Variants in PON1 observed in about 807,000 individuals in gnomAD.
PON1 encodes paraoxonase 1.
In PON1, 37 loss-of-function variants were observed where a neutral mutation model predicts 39.2. The ratio of observed to expected loss-of-function variants is 0.94; its 90% CI spans 0.73 to 1.24. PON1 has a LOEUF of 1.24. Ranked by LOEUF, PON1 falls within the 50% of genes most tolerant of loss-of-function variation. PON1 has a pLI of 0.00. For missense variants in PON1, 397 were observed against 413.5 expected (o/e 0.96, Z 0.35); for synonymous variants, 148 against 152.2 (o/e 0.97, Z 0.21).
At chr7:95,305,964 T>G (rs1013463845) in intron 7 of PON1, among the ~76,000 whole-genome samples, 1 of 148,966 alleles carries the variant, frequency 6.7e-6, no homozygotes, top group Non-Finnish European at 1.5e-5. Flanking sequence ...GGAAGGAAGG[T>G]GGAGGAGAGG....
intron 8 of PON1, among the ~76,000 whole-genome samples, chr7:95,300,321 A>G (rs1386015776): frequency 6.6e-6 from 1 of 152,216 alleles, no homozygotes; most frequent in Admixed American, 6.5e-5. Flanking sequence ...GTGGGACTAG[A>G]TTATCTCTAA....
At chr7:95,321,250 C>T (rs1807890604) in intron 1 of PON1, among the ~76,000 whole-genome samples, 1 of 152,156 alleles carries the variant, frequency 6.6e-6, no homozygotes, top group South Asian at 2.1e-4. Flanking sequence ...CCCATTGGGC[C>T]CCACCTCCAA....
At chr7:95,324,314 C>T in intron 1 of PON1, 88 bp downstream of exon 1, 1 of 1,242,024 alleles carries the variant, frequency 8.1e-7, no homozygotes, top group Non-Finnish European at 1.2e-6. Flanking sequence ...GTTCTGTTAA[C>T]AGCCTGGACC....
intron 3 of PON1, 125 bp from the exon 4 acceptor site, chr7:95,315,615 T>C (rs1244001865): frequency 2.1e-6 from 2 of 975,060 alleles, no homozygotes; most frequent in South Asian, 2.7e-5. Flanking sequence ...GATGGCCACA[T>C]AGGAAGCCTC....
At chr7:95,310,024 C>T (rs1340347935) in intron 5 of PON1, among the ~76,000 whole-genome samples, 1 of 152,240 alleles carries the variant, frequency 6.6e-6, no homozygotes, top group Non-Finnish European at 1.5e-5. Context: ...GTAACGTAGA[C>T]CAATCTGAGA....
intron 1 of PON1, chr7:95,318,634 C>T: frequency 2.2e-6 from 1 of 447,524 alleles, no homozygotes; most frequent in Non-Finnish European, 4.1e-6. Context: ...ATAATATCCT[C>T]TCTAGGGCTC....
chr7:95,307,669 G>C (rs1178698136), intron 6 of PON1, among the ~76,000 whole-genome samples: 2 of 152,110 alleles, frequency 1.3e-5, no homozygotes, highest in African/African-American at 4.8e-5. Context: ...TCATAAACCT[G>C]CACTACTGAC....
intron 8 of PON1, 53 bp from the exon 9 acceptor site, chr7:95,299,155 C>T: frequency 1.3e-6 from 2 of 1,533,830 alleles, no homozygotes; most frequent in South Asian, 2.2e-5. Context: ...CTTAAAACAA[C>T]CTTATGCATA....
intron 6 of PON1, 59 bp downstream of exon 6, chr7:95,307,952 T>C: frequency 6.8e-7 from 1 of 1,463,228 alleles, no homozygotes; most frequent in Non-Finnish European, 9.6e-7. Context: ...AAAGAATATA[T>C]TCCAAGATAT....
intron 6 of PON1, among the ~76,000 whole-genome samples, 161 bp downstream of exon 6, chr7:95,307,850 A>G (rs1380484940): frequency 1.3e-5 from 2 of 152,218 alleles, no homozygotes; most frequent in African/African-American, 4.8e-5. Flanking sequence ...TGATTTGATA[A>G]ATTTCACCCC....
Position 95,298,002 on chromosome 7 carries a change from A to G in PON1, c.*942T>C, listed in dbSNP as rs1395446898. On this transcript the variant is annotated 3_prime_UTR_variant, in exon 9 of 9. Transcript: ENST00000222381. ...CAGTAGATAGCCAAAGGGGTTGTTG[A>G]TCTTTTCTATTTATTTGTTTGTTTA... The G allele has an allele frequency of 2.6e-5, 4 of 151,642 alleles. No homozygotes were observed. Among genetic ancestry groups the G allele is most frequent in the Non-Finnish European group, 5.9e-5 (4 of 67,968 alleles). 9.4% of individuals were successfully genotyped at this position (151,642 alleles called of 1,614,324 possible).
chr7:95,321,498 A>C (rs757012131), intron 1 of PON1, among the ~76,000 whole-genome samples: 1 of 152,202 alleles, frequency 6.6e-6, no homozygotes, highest in Non-Finnish European at 1.5e-5. Context: ...ACTATGTGCC[A>C]AGCTCCAATA....
chr7:95,318,445 T>G (rs1807822752), intron 1 of PON1, 52 bp from the exon 2 acceptor site: 1 of 1,504,226 alleles, frequency 6.6e-7, no homozygotes, highest in African/African-American at 1.4e-5. Flanking sequence ...GAAATTATAA[T>G]AAGTTGCAAA....
chr7:95,312,488 GTTTAA>G (rs1469123580), intron 4 of PON1, among the ~76,000 whole-genome samples: 1 of 152,338 alleles, frequency 6.6e-6, no homozygotes, highest in African/African-American at 2.4e-5. Flanking sequence ...GCAAACAAGT[GTTTAA>G]TTTATTTTAG....
At chr7:95,300,984 C>CT (rs201687198) in intron 8 of PON1, among the ~76,000 whole-genome samples, 25 of 147,492 alleles carry the variant, frequency 1.7e-4, no homozygotes, top group Admixed American at 6.8e-4. Flanking sequence ...ACATTTGTTT[C>CT]TTTTTTTTTT....
intron 7 of PON1, 50 bp downstream of exon 7, chr7:95,306,235 A>G (rs1165761135): frequency 1.4e-6 from 2 of 1,438,342 alleles, no homozygotes; most frequent in South Asian, 2.3e-5. Context: ...TCACAAATCA[A>G]TTAGAATCTA....
At chr7:95,318,450 T>C (rs1807822830) in intron 1 of PON1, 57 bp from the exon 2 acceptor site, 1 of 1,485,430 alleles carries the variant, frequency 6.7e-7, no homozygotes, top group Non-Finnish European at 9.4e-7. Flanking sequence ...TATAATAAGT[T>C]GCAAAGGTAG....
intron 8 of PON1, among the ~76,000 whole-genome samples, chr7:95,301,847 G>A (rs1807429566): frequency 6.6e-6 from 1 of 151,642 alleles, no homozygotes. Context: ...CGGCACTTTG[G>A]GAGGCCGAGG....
chr7:95,318,498 G>T, intron 1 of PON1, 105 bp from the exon 2 acceptor site: 1 of 1,020,632 alleles, frequency 9.8e-7, no homozygotes, highest in Non-Finnish European at 1.5e-6. Context: ...TACTTTGCCT[G>T]AGTTTCAACT....
Sources: allele counts gnomAD v4.1 joint callset (sites outside exome capture counted in the v4.1 genomes callset), GRCh38; gene constraint gnomAD v4.1.1; transcripts MANE v1.5; gene names NCBI Gene and HGNC (gene_info 2026-07-23, HGNC 2026-07-21).